Variants in MGAT4A observed in about 807,000 individuals in gnomAD.
MGAT4A encodes alpha-1,3-mannosyl-glycoprotein 4-beta-N-acetylglucosaminyltransferase A.
MGAT4A carries 33 observed loss-of-function variants against 74.1 expected under a neutral mutation model. That is an observed-to-expected ratio of 0.45 (90% CI 0.34 to 0.60). The LOEUF (loss-of-function observed/expected upper bound fraction) is 0.60, where lower values mean the gene tolerates loss of function less well. MGAT4A is among the 20% of genes least tolerant of loss of function. The probability of loss-of-function intolerance (pLI) is 0.02; values close to 1 mark genes in which losing one functional copy is unlikely to be tolerated. For missense variants in MGAT4A, 479 were observed against 628.3 expected, an observed-to-expected ratio of 0.76 and a Z score of 2.54; for synonymous variants, 198 against 210.4, an observed-to-expected ratio of 0.94 and a Z score of 0.51.
rs987258759 is a variant in MGAT4A, at chr2:98,623,243, A to G, written c.*2323T>C. ...TTTCTTGGGAACAACAGGTGGACCA[A>G]TGCTGGGAGGGCAAACTGCATGAAA... On this transcript the variant is annotated 3_prime_UTR_variant, in exon 16 of 16. Transcript: ENST00000393487. 6.1e-6 allele frequency: 6 copies of G among 985,492 alleles called. No homozygotes were observed. In the Admixed American group the frequency reaches 3.7e-4, roughly 60 times the overall value. The allele number at this position is 985,492 out of a possible 1,614,324, so 61.0% of individuals were successfully genotyped here.
At chr2:98,643,842 T>C in intron 10 of MGAT4A, 81 bp downstream of exon 10, 2 of 1,338,390 alleles carry the variant, frequency 1.5e-6, no homozygotes, top group East Asian at 2.6e-5. Flanking sequence ...TATTTAACTA[T>C]TTATTTGCAA....
chr2:98,658,259 ATCTG>A lies in MGAT4A; in HGVS notation c.539_542del (p.Thr180IlefsTer9). 6.4e-7 allele frequency: 1 copy of A among 1,563,210 alleles called. No homozygotes were observed. Among genetic ancestry groups the A allele is most frequent in the African/African-American group, 1.4e-5 (1 of 72,708 alleles). Reference sequence around the variant, plus strand: ...CTACAACACCATGTACATAATCAATATCTGTCTGGGAAAGAAAAAAAATGTATCT... The same window carrying A: ...CTACAACACCATGTACATAATCAATATCTGGGAAAGAAAAAAAATGTATCT... On this transcript the variant is annotated frameshift_variant and splice_region_variant, in exon 6 of 16. Transcript: ENST00000393487. LOFTEE classifies it high-confidence loss of function.
chr2:98,621,871 C>A lies in MGAT4A; in HGVS notation c.*3695G>T. ...AACACCTTCTAATTATTGACTAGTG[C>A]AACCACTGATTTGAGAAGATACACA... On this transcript the variant is annotated 3_prime_UTR_variant, in exon 16 of 16. Coordinates refer to ENST00000393487, the MANE Select transcript of MGAT4A (RefSeq NM_012214.3). 2 of 1,006,002 alleles carry A rather than the reference C, an allele frequency of 2.0e-6. No individual in the cohort carries two copies. The highest frequency in any genetic ancestry group is 8.6e-5 in the South Asian group (2 of 23,256). 62.3% of individuals were successfully genotyped at this position (1,006,002 alleles called of 1,614,324 possible).
intron 2 of MGAT4A, among the ~76,000 whole-genome samples, chr2:98,682,827 C>T (rs1702080209): frequency 6.6e-6 from 1 of 152,166 alleles, no homozygotes; most frequent in Non-Finnish European, 1.5e-5. Context: ...TGGCTCACGC[C>T]TGTAATCCCA....
intron 7 of MGAT4A, chr2:98,656,096 C>T: frequency 2.6e-6 from 1 of 384,806 alleles, no homozygotes; most frequent in South Asian, 3.0e-5. Flanking sequence ...TTCCTGGTAG[C>T]CTACAGAAAC....
At chr2:98,712,710 C>G (rs997643130) in intron 2 of MGAT4A, among the ~76,000 whole-genome samples, 3 of 152,222 alleles carry the variant, frequency 2.0e-5, no homozygotes, top group Admixed American at 2.0e-4. Context: ...ATCATATTAT[C>G]TCATCTCAAC....
At chr2:98,637,708 G>A (rs1187754138) in intron 12 of MGAT4A, among the ~76,000 whole-genome samples, 1 of 152,044 alleles carries the variant, frequency 6.6e-6, no homozygotes, top group Non-Finnish European at 1.5e-5. Context: ...CCAAATCCTG[G>A]GTCTCTCAGT....
At chr2:98,716,919 TG>T (rs1702601159) in intron 2 of MGAT4A, among the ~76,000 whole-genome samples, 1 of 152,230 alleles carries the variant, frequency 6.6e-6, no homozygotes, top group African/African-American at 2.4e-5. Flanking sequence ...AAAACCAGTT[TG>T]TATATGTTCA....
At chr2:98,716,578 T>C (rs944044513) in intron 2 of MGAT4A, among the ~76,000 whole-genome samples, 21 of 152,304 alleles carry the variant, frequency 1.4e-4, no homozygotes, top group East Asian at 1.4e-3. Context: ...AGATTGTCGA[T>C]TGCACCACTG....
chr2:98,677,944 T>G (rs913513721), intron 3 of MGAT4A, among the ~76,000 whole-genome samples: 2 of 151,492 alleles, frequency 1.3e-5, no homozygotes, highest in African/African-American at 4.8e-5. Context: ...AATCTAATCT[T>G]TTTCAGCCGG....
In MGAT4A at chr2:98,637,317, AAATAAT is replaced by A. The variant is rs900091912; in HGVS notation, c.1323-728_1323-723del. Among the ~76,000 whole-genome samples, 5 of 151,244 alleles carry A rather than the reference AAATAAT, an allele frequency of 3.3e-5. No individual in the cohort carries two copies. The East Asian group carries it at 5.8e-4, about 18-fold the overall frequency. On this transcript the variant is annotated intron_variant, in intron 12 of 15. Coordinates refer to ENST00000393487, the MANE Select transcript of MGAT4A (RefSeq NM_012214.3). ...GGTAACACAGCAAGAACTCATCTCTAAATAATAATAATAATAATAGTAATAAATAAT... is the reference window on the plus strand; with the variant it reads ...GGTAACACAGCAAGAACTCATCTCTAAATAATAATAATAGTAATAAATAAT...
chr2:98,666,113 T>C (rs553787522), intron 4 of MGAT4A, among the ~76,000 whole-genome samples: 2 of 152,150 alleles, frequency 1.3e-5, no homozygotes, highest in African/African-American at 2.4e-5. Context: ...GAAGTTAATG[T>C]ACTAACTGAA....
chr2:98,702,372 C>G (rs912677445), intron 2 of MGAT4A, among the ~76,000 whole-genome samples: 1 of 152,206 alleles, frequency 6.6e-6, no homozygotes, highest in African/African-American at 2.4e-5. Flanking sequence ...GCTGTTCTAT[C>G]TGGGACAAGC....
chr2:98,685,633 G>A (rs1702118567), intron 2 of MGAT4A, among the ~76,000 whole-genome samples: 1 of 152,190 alleles, frequency 6.6e-6, no homozygotes, highest in African/African-American at 2.4e-5. Context: ...GAAACAGGCT[G>A]AAAGAACAGA....
chr2:98,702,800 G>C (rs188455157), intron 2 of MGAT4A, among the ~76,000 whole-genome samples: 2 of 152,194 alleles, frequency 1.3e-5, no homozygotes, highest in South Asian at 4.1e-4. Context: ...TAATCAAAAC[G>C]GAAGTACAGA....
chr2:98,670,853 C>T (rs1488713478), intron 4 of MGAT4A, among the ~76,000 whole-genome samples: 2 of 152,194 alleles, frequency 1.3e-5, no homozygotes, highest in Admixed American at 1.3e-4. Context: ...TATTCTCAAA[C>T]AATGACTCAT....
intron 3 of MGAT4A, among the ~76,000 whole-genome samples, chr2:98,676,479 A>C (rs1438635305): frequency 2.0e-5 from 3 of 152,196 alleles, no homozygotes; most frequent in Non-Finnish European, 4.4e-5. Context: ...CAGCAAATGT[A>C]TCATTTGTTC....
intron 4 of MGAT4A, among the ~76,000 whole-genome samples, chr2:98,672,108 CA>C (rs780229961): frequency 3.9e-5 from 6 of 152,064 alleles, no homozygotes; most frequent in Admixed American, 6.5e-5. Flanking sequence ...TTTGTTACAA[CA>C]GCAATAGAAC....
chr2:98,636,628 G>T (rs367733863), intron 12 of MGAT4A, 33 bp from the exon 13 acceptor site: 133 of 1,567,180 alleles, frequency 8.5e-5, no homozygotes, highest in Non-Finnish European at 1.1e-4. Flanking sequence ...AAAAACACAA[G>T]TCGGGCTAGA....
Sources: allele counts gnomAD v4.1 joint callset (sites outside exome capture counted in the v4.1 genomes callset), GRCh38; gene constraint gnomAD v4.1.1; transcripts MANE v1.5; gene names NCBI Gene and HGNC (gene_info 2026-07-23, HGNC 2026-07-21).